RAG1: variants seen among roughly 807,000 people sequenced by gnomAD.
The protein encoded by RAG1 is V(D)J recombination-activating protein 1.
RAG1 carries 35 observed loss-of-function variants against 62.7 expected under a neutral mutation model. That is an observed-to-expected ratio of 0.56 (90% CI 0.43 to 0.74). The LOEUF (loss-of-function observed/expected upper bound fraction) is 0.74. Ranked by LOEUF, RAG1 falls within the 30% of genes least tolerant of loss-of-function variation. The pLI, the probability that RAG1 is intolerant of heterozygous loss-of-function variation, is 0.00. For synonymous variants in RAG1, 461 were observed against 470.3 expected (o/e 0.98, Z 0.26); for missense variants, 1,169 against 1,278.6 (o/e 0.91, Z 1.31).
chr11:36,543,192 G>T (rs141349328), intron 3 of RAG1, among the ~76,000 whole-genome samples: 2 of 152,128 alleles, frequency 1.3e-5, no homozygotes. Flanking sequence ...AGGGTCTTAG[G>T]TATAGCCTTG....
chr11:36,539,955 T>A (rs1321327943), downstream of RAG1, among the ~76,000 whole-genome samples: 1 of 152,246 alleles, frequency 6.6e-6, no homozygotes, highest in Non-Finnish European at 1.5e-5. Context: ...TCTATTTTGT[T>A]CCATCCATTA....
At chr11:36,512,382 A>C (rs1228612149) in intron 1 of RAG1, among the ~76,000 whole-genome samples, 1 of 152,234 alleles carries the variant, frequency 6.6e-6, no homozygotes, top group Non-Finnish European at 1.5e-5. Context: ...TTACGAGAGC[A>C]GGAAACAAAC....
rs1036112364 is a variant in RAG1, at chr11:36,578,982, G to T, written c.*2546G>T. On this transcript the variant is annotated 3_prime_UTR_variant, in exon 2 of 2. Coordinates refer to ENST00000299440, the MANE Select transcript of RAG1 (RefSeq NM_000448.3). Reference sequence around the variant, plus strand: ...TCCTGCCAAGCCACTCAGGTGCATTGCAGGGACCAGTGATAATGGCTGATG... The same window carrying T: ...TCCTGCCAAGCCACTCAGGTGCATTTCAGGGACCAGTGATAATGGCTGATG... The T allele has an allele frequency of 9.0e-5, 15 of 167,082 alleles. No individual in the cohort carries two copies. The highest frequency in any genetic ancestry group is 3.1e-4 in the African/African-American group (13 of 41,448). The allele number at this position is 167,082 out of a possible 1,614,324, so 10.3% of individuals were successfully genotyped here. A position where few individuals can be genotyped will look rare whatever the true frequency, so the allele number is the denominator to read the frequency against.
At chr11:36,550,987 C>T (rs1441693195) in intron 3 of RAG1, among the ~76,000 whole-genome samples, 3 of 152,052 alleles carry the variant, frequency 2.0e-5, no homozygotes, top group East Asian at 1.9e-4. Flanking sequence ...CTGATAGCAA[C>T]GTCAGATTTA....
intron 1 of RAG1, among the ~76,000 whole-genome samples, chr11:36,572,353 A>G (rs368490976): frequency 2.0e-5 from 3 of 152,216 alleles, no homozygotes; most frequent in African/African-American, 7.2e-5. Flanking sequence ...CGATCTGTGC[A>G]TTACAACTCA....
At chr11:36,513,290 C>G (rs573999974) in intron 1 of RAG1, among the ~76,000 whole-genome samples, 20 of 152,292 alleles carry the variant, frequency 1.3e-4, no homozygotes, top group African/African-American at 4.8e-4. Flanking sequence ...TATAGCAGCA[C>G]AGATTGAACT....
At position 36,576,034 on chromosome 11, in the gene RAG1, C is replaced by T. The variant is rs1355424621; in HGVS notation, c.2730C>T (p.Cys910=). ...CTAAAGAGTGCCCAGAATCCCTCTG[C>T]CAGTACAGTTTCAATTCACAGCGTT... ...CPAKECPESL[C]QYSFNSQRFA... The change falls in exon 2 of 2, where the codon TGC becomes TGT. Residue 910 remains cysteine, a synonymous_variant. Transcript: ENST00000299440. 3 of 1,614,136 alleles carry T rather than the reference C, an allele frequency of 1.9e-6. No individual in the cohort carries two copies. Among genetic ancestry groups the T allele is most frequent in the East Asian group, 2.2e-5 (1 of 44,886 alleles).
At chr11:36,522,398 G>T (rs955915001) in intron 2 of RAG1, among the ~76,000 whole-genome samples, 3 of 152,250 alleles carry the variant, frequency 2.0e-5, no homozygotes, top group African/African-American at 7.2e-5. Context: ...CAACTTCCAT[G>T]TGGTGTTGAG....
At chr11:36,510,858 C>T (rs1859909180) in exon 1 of RAG1, 1 of 152,202 alleles carries the variant, frequency 6.6e-6, no homozygotes, top group African/African-American at 2.4e-5. Context: ...TCATAAACGT[C>T]TAGAGAATGT....
rs377307948 is a variant in RAG1, at chr11:36,573,405, G to T, written c.101G>T (p.Arg34Leu). The change falls in exon 2 of 2, where the codon CGG becomes CTG. Residue 34 changes from arginine to leucine, a missense_variant. Arg to Leu is a moderately radical substitution (Grantham distance 102). Coordinates refer to ENST00000299440, the MANE Select transcript of RAG1 (RefSeq NM_000448.3). The part of the protein sequence containing the change: ...KFSEWKFKLF[R>L]VRSFEKTPEE... ...TCAGAATGGAAATTTAAGCTGTTCC[G>T]GGTGAGATCCTTTGAAAAGACACCT... The T allele has an allele frequency of 6.2e-7, 1 of 1,614,024 alleles. No homozygotes were observed.
In RAG1 at chr11:36,574,600, C is replaced by T. The variant is rs977419597; in HGVS notation, c.1296C>T (p.Ser432=). The T allele has an allele frequency of 1.2e-6, 2 of 1,614,208 alleles. No homozygotes were observed. The highest frequency in any genetic ancestry group is 1.3e-5 in the African/African-American group (1 of 75,062). The change falls in exon 2 of 2, where the codon TCC becomes TCT. Residue 432 remains serine (S), a synonymous_variant. Transcript: ENST00000299440. ...ADKEEGGDVK[S]VCMTLFLLAL... is the part of the protein sequence containing the mutation. ...AAGAAGAAGGTGGAGATGTGAAGTCCGTGTGCATGACCTTGTTCCTGCTGG... is the reference window on the plus strand; with the variant it reads ...AAGAAGAAGGTGGAGATGTGAAGTCTGTGTGCATGACCTTGTTCCTGCTGG...
chr11:36,534,911 CT>C (rs1860304241), intron 2 of RAG1, among the ~76,000 whole-genome samples: 1 of 152,066 alleles, frequency 6.6e-6, no homozygotes, highest in Non-Finnish European at 1.5e-5. Context: ...TAGTGTTGCC[CT>C]GTAAATGGAC....
intron 1 of RAG1, among the ~76,000 whole-genome samples, chr11:36,516,291 G>A (rs1210026643): frequency 6.6e-6 from 1 of 152,190 alleles, no homozygotes; most frequent in Non-Finnish European, 1.5e-5. Context: ...CACATGGTGT[G>A]GTAAAAATCA....
upstream of RAG1, chr11:36,566,567 A>ACTC (rs2133285762): frequency 6.6e-6 from 1 of 151,790 alleles, no homozygotes; most frequent in South Asian, 2.1e-4. Flanking sequence ...TCATGTTATG[A>ACTC]CTCCTCTCTA....
downstream of RAG1, among the ~76,000 whole-genome samples, chr11:36,536,573 T>C (rs950140705): frequency 2.1e-4 from 32 of 152,062 alleles, no homozygotes; most frequent in African/African-American, 7.7e-4. Flanking sequence ...TAAACATTAA[T>C]CGTACTGTGC....
At chr11:36,540,196 T>A (rs1860394229), downstream of RAG1, among the ~76,000 whole-genome samples, 1 of 152,130 alleles carries the variant, frequency 6.6e-6, no homozygotes, top group Non-Finnish European at 1.5e-5. Flanking sequence ...TCCAAGAATG[T>A]AATTCTCTGC....
rs532156649 is a variant in RAG1 at position 36,570,424 on chromosome 11, G to A, written c.-15+2302G>A. ...CTATCTTCTACCAAAAGTAATACAC[G>A]TCTATTTTAGGGAGTAAAAATCACA... On this transcript the variant is annotated intron_variant, in intron 1 of 1. Coordinates refer to ENST00000299440, the MANE Select transcript of RAG1 (RefSeq NM_000448.3). 4.6e-5 allele frequency among the ~76,000 whole-genome samples: 7 copies of A among 152,172 alleles called. No homozygotes were observed. In the South Asian group the frequency reaches 6.2e-4, roughly 14 times the overall value.
At chr11:36,529,362 C>A (rs993155221) in intron 2 of RAG1, among the ~76,000 whole-genome samples, 1 of 152,116 alleles carries the variant, frequency 6.6e-6, no homozygotes, top group East Asian at 1.9e-4. Flanking sequence ...TAAACGTAAT[C>A]CCTCACGTAA....
chr11:36,528,009 C>T (rs1040352488), intron 2 of RAG1, among the ~76,000 whole-genome samples: 1 of 151,708 alleles, frequency 6.6e-6, no homozygotes, highest in Non-Finnish European at 1.5e-5. Flanking sequence ...ACAATCATGT[C>T]ATCTACAAAG....
Sources: gnomAD v4.1 joint callset for allele counts (sites outside exome capture counted in the v4.1 genomes callset) on GRCh38, gnomAD v4.1.1 for gene constraint, MANE v1.5 for transcripts, NCBI Gene and HGNC (gene_info 2026-07-23, HGNC 2026-07-21) for gene names.